Variants in DMBT1 observed in about 807,000 individuals in gnomAD.
The protein encoded by DMBT1 is deleted in malignant brain tumors 1, also known as scavenger receptor cysteine-rich domain-containing protein DMBT1.
Under a neutral mutation model 252.9 loss-of-function variants are expected in DMBT1, and 198 were observed. That is an observed-to-expected ratio of 0.78 (90% confidence interval 0.70 to 0.88). The LOEUF (loss-of-function observed/expected upper bound fraction) is 0.88. Ranked by LOEUF, DMBT1 falls within the 40% of genes least tolerant of loss-of-function variation. The pLI is 0.00. For synonymous variants in DMBT1, 990 were observed against 942.7 expected, an observed-to-expected ratio of 1.05 and a Z score of -0.92; for missense variants, 2,432 against 2,404.7, an observed-to-expected ratio of 1.01 and a Z score of -0.24.
chr10:122,584,990 G>A lies in DMBT1; in HGVS notation c.1421-281G>A, dbSNP rs149080403. Among the ~76,000 whole-genome samples, 213 of 147,754 alleles carry A rather than the reference G, an allele frequency of 1.4e-3. 8 individuals are homozygous for A. Among genetic ancestry groups the A allele is most frequent in the African/African-American group, 4.5e-3 (179 of 40,078 alleles). ...GTCAGCAATGGTGTTAGATGTACCCGTCAGTGCATGTGTCAGTGCATGGAA... is the reference window on the plus strand; with the variant it reads ...GTCAGCAATGGTGTTAGATGTACCCATCAGTGCATGTGTCAGTGCATGGAA... On this transcript the variant is annotated intron_variant, in intron 14 of 55. Transcript: ENST00000338354.
rs945356651 is a variant in DMBT1, at chr10:122,572,251, A to G, written c.188-63A>G. 35 of 1,604,982 alleles carry G rather than the reference A, an allele frequency of 2.2e-5. No homozygotes were observed. The African/African-American group carries it at 3.2e-4, about 15-fold the overall frequency. ...CCCTTGCTTCAGACCTGAGGAAGCC[A>G]TGGACCAACCCTCTTCAAGCAAGGG... On this transcript the variant is annotated intron_variant, in intron 4 of 55. Transcript: ENST00000338354.
chr10:122,639,490 C>T (rs924149609), intron 54 of DMBT1, among the ~76,000 whole-genome samples: 6 of 151,382 alleles, frequency 4.0e-5, no homozygotes, highest in Non-Finnish European at 7.4e-5. Flanking sequence ...TGTTCTCTGG[C>T]GGGCAGGGGC....
In DMBT1 at chr10:122,643,556, C is replaced by A; in HGVS notation, c.*158C>A. ...AATCAGACCTGGTTCCCGCCTCCCC[C>A]AAGGCTCATGGTCCTTGGAGGACCC... On this transcript the variant is annotated 3_prime_UTR_variant, in exon 56 of 56. Coordinates refer to ENST00000338354, the MANE Select transcript of DMBT1 (RefSeq NM_001377530.1). The A allele has an allele frequency of 9.0e-7, 1 of 1,105,530 alleles. No homozygotes were observed. Among genetic ancestry groups the A allele is most frequent in the Non-Finnish European group, 1.3e-6 (1 of 793,430 alleles). The allele number at this position is 1,105,530 out of a possible 1,614,324, so 68.5% of individuals were successfully genotyped here. A position where few individuals can be genotyped will look rare whatever the true frequency, so the allele number is the denominator to read the frequency against.
At chr10:122,570,771 T>C in intron 3 of DMBT1, 119 bp from the exon 4 acceptor site, 1 of 1,267,234 alleles carries the variant, frequency 7.9e-7, no homozygotes, top group Non-Finnish European at 1.1e-6. Context: ...CTTTTAGCAA[T>C]GGAGGTTGCC....
chr10:122,620,114 A>T, intron 42 of DMBT1, 139 bp from the exon 43 acceptor site: 1 of 854,510 alleles, frequency 1.2e-6, no homozygotes, highest in South Asian at 1.4e-5. Context: ...TGAGCTGAAG[A>T]CTTGGGTAGC....
intron 2 of DMBT1, among the ~76,000 whole-genome samples, chr10:122,567,311 G>C (rs977022805): frequency 5.3e-5 from 8 of 152,222 alleles, no homozygotes; most frequent in African/African-American, 1.9e-4. Flanking sequence ...ATCCAGAAGA[G>C]TTGCAGATGG....
chr10:122,586,347 T>C lies in DMBT1; in HGVS notation c.1747T>C (p.Cys583Arg), dbSNP rs374312565. ...CCACAATGGCTGGCTCTCCCATAACTGTGGCCATAGTGAAGACGCTGGTGT... is the reference window on the plus strand; with the variant it reads ...CCACAATGGCTGGCTCTCCCATAACCGTGGCCATAGTGAAGACGCTGGTGT... ...CPHNGWLSHN[C>R]GHSEDAGVIC... Residue 583 changes from cysteine (C) to arginine (R), a missense_variant, in exon 16 of 56, where the codon TGT becomes CGT. By Grantham distance (180) the Cys-to-Arg change is radical. This residue lies in a region of DMBT1 where 1,264 missense variants were observed against 1,082.2 expected (regional missense o/e 1.17). Transcript: ENST00000338354. 6.3e-7 allele frequency: 1 copy of C among 1,588,704 alleles called. No individual in the cohort carries two copies. Among genetic ancestry groups the C allele is most frequent in the Non-Finnish European group, 8.6e-7 (1 of 1,165,832 alleles).
At chr10:122,632,941 C>T (rs1042137883) in intron 51 of DMBT1, 51 bp downstream of exon 51, 146 of 1,611,002 alleles carry the variant, frequency 9.1e-5, no homozygotes, top group Non-Finnish European at 1.2e-4. Flanking sequence ...CTGGAAATTC[C>T]CCTTCCCATT....
At chr10:122,627,641 T>G (rs2133659781) in intron 46 of DMBT1, among the ~76,000 whole-genome samples, 1 of 152,354 alleles carries the variant, frequency 6.6e-6, no homozygotes, top group Non-Finnish European at 1.5e-5. Context: ...CCATTTATAT[T>G]TAATGATTAG....
chr10:122,588,922 G>A (rs1180402351), intron 16 of DMBT1, 22 bp from the exon 17 acceptor site: 1 of 1,587,142 alleles, frequency 6.3e-7, no homozygotes, highest in African/African-American at 1.3e-5. Context: ...GATTGATGAA[G>A]GGTTCTTGTG....
intron 46 of DMBT1, among the ~76,000 whole-genome samples, chr10:122,627,328 A>C (rs946160568): frequency 7.9e-5 from 12 of 152,286 alleles, no homozygotes; most frequent in Non-Finnish European, 1.3e-4. Context: ...TTTGGCATAC[A>C]TTCCATACAC....
intron 1 of DMBT1, among the ~76,000 whole-genome samples, chr10:122,562,755 GC>G (rs1274513439): frequency 6.6e-6 from 1 of 152,258 alleles, no homozygotes; most frequent in Non-Finnish European, 1.5e-5. Context: ...GTGCATGCAT[GC>G]CTGTGTTTGC....
intron 44 of DMBT1, among the ~76,000 whole-genome samples, chr10:122,624,564 T>C (rs1420690476): frequency 1.3e-5 from 2 of 152,096 alleles, no homozygotes; most frequent in Non-Finnish European, 2.9e-5. Flanking sequence ...CTGAGGCTGG[T>C]GAATGGAGGT....
chr10:122,642,587 G>A (rs775300382), intron 55 of DMBT1, among the ~76,000 whole-genome samples: 5 of 152,276 alleles, frequency 3.3e-5, no homozygotes, highest in African/African-American at 9.6e-5. Flanking sequence ...AGTGTGGAAC[G>A]TACAGCTGCA....
At chr10:122,562,195 C>T (rs1396582286) in intron 1 of DMBT1, among the ~76,000 whole-genome samples, 1 of 151,086 alleles carries the variant, frequency 6.6e-6, no homozygotes, top group African/African-American at 2.4e-5. Flanking sequence ...TTTATCTTTC[C>T]TACTGCCTTT....
chr10:122,642,939 C>T (rs889783556), intron 55 of DMBT1, among the ~76,000 whole-genome samples, 183 bp from the exon 56 acceptor site: 1 of 152,082 alleles, frequency 6.6e-6, no homozygotes, highest in African/African-American at 2.4e-5. Context: ...ACCGGAGCTG[C>T]CAGGATTTCT....
chr10:122,639,785 C>G (rs944857052), intron 54 of DMBT1, among the ~76,000 whole-genome samples: 5 of 152,174 alleles, frequency 3.3e-5, no homozygotes, highest in African/African-American at 1.2e-4. Context: ...AGAAAATGTA[C>G]GCTAAGAGCA....
chr10:122,643,264 C>G lies in DMBT1; in HGVS notation c.7495C>G (p.Pro2499Ala). ...AATGGTGGTGTGCAGAGCGTATGACCCCTCTTCCCGCTGCTACCGAGGCTG... is the reference window on the plus strand; with the variant it reads ...AATGGTGGTGTGCAGAGCGTATGACGCCTCTTCCCGCTGCTACCGAGGCTG... ...CKMVVCRAYDPSSRCYRGCVL... is the reference protein window; with the variant it reads ...CKMVVCRAYDASSRCYRGCVL... Residue 2499 changes from proline (P) to alanine (A), a missense_variant, in exon 56 of 56, where the codon CCC (proline) becomes GCC (alanine). Physicochemically the swap from Pro to Ala is conservative, Grantham distance 27. Transcript: ENST00000338354. 6.2e-7 allele frequency: 1 copy of G among 1,613,948 alleles called. No individual in the cohort carries two copies. Among genetic ancestry groups the G allele is most frequent in the East Asian group, 2.2e-5 (1 of 44,870 alleles).
intron 2 of DMBT1, 106 bp downstream of exon 2, chr10:122,566,102 C>A: frequency 7.9e-7 from 1 of 1,268,472 alleles, no homozygotes; most frequent in Non-Finnish European, 1.1e-6. Context: ...GAGCAAACGC[C>A]TGCCTTGTCG....
Sources: allele counts gnomAD v4.1 joint callset (sites outside exome capture counted in the v4.1 genomes callset), GRCh38; gene constraint gnomAD v4.1.1; regional missense constraint gnomAD v4.1.1; transcripts MANE v1.5; gene names NCBI Gene and HGNC (gene_info 2026-07-23, HGNC 2026-07-21).